Variants in SLITRK5 observed in about 807,000 individuals in gnomAD.
SLITRK5 encodes the protein SLIT and NTRK-like protein 5.
SLITRK5 carries 23 observed loss-of-function variants against 56.2 expected under a neutral mutation model. The observed-to-expected ratio is 0.41, with a 90% CI of 0.29 to 0.58. The LOEUF is 0.58. Ranked by LOEUF, SLITRK5 falls within the 20% of genes least tolerant of loss-of-function variation. The pLI is 0.30. For synonymous variants in SLITRK5, 637 were observed against 531.8 expected, an observed-to-expected ratio of 1.20 and a Z score of -2.72; for missense variants, 1,289 against 1,226.6, an observed-to-expected ratio of 1.05 and a Z score of -0.76.
chr13:87,675,686 G>A lies in SLITRK5; in HGVS notation c.298G>A (p.Glu100Lys). 6.2e-7 allele frequency: 1 copy of A among 1,614,146 alleles called. No individual in the cohort carries two copies. Among genetic ancestry groups the A allele is most frequent in the Non-Finnish European group, 8.5e-7 (1 of 1,180,038 alleles). Residue 100 changes from glutamate (E) to lysine (K), a missense_variant, in exon 2 of 2, where the codon GAG becomes AAG. Transcript: ENST00000683689. ...CCTTTTGAACCGTCTCTATCCCAAT[G>A]AGTTTGTCAATTACACTGGGGCTTC... Reference protein sequence around the residue: ...GNLLNRLYPNEFVNYTGASIL... With the variant: ...GNLLNRLYPNKFVNYTGASIL...
At chr13:87,675,128 C>T (rs548011294) in intron 1 of SLITRK5, among the ~76,000 whole-genome samples, 2 of 152,134 alleles carry the variant, frequency 1.3e-5, no homozygotes, top group East Asian at 3.9e-4. Flanking sequence ...ATCTAACCTG[C>T]TCTTATCTTG....
At position 87,677,195 on chromosome 13, in the gene SLITRK5, A is replaced by C. The variant is rs1593974015; in HGVS notation, c.1807A>C (p.Met603Leu). The stretch of plus-strand genomic sequence containing the variant: ...GCCCAAAAAATTCGCTGAGACCGAC[A>C]TGCGCTCCATTAAGTCGGAGCTGCT... Reference protein sequence around the residue: ...KAPKKFAETDMRSIKSELLCP... With the variant: ...KAPKKFAETDLRSIKSELLCP... Residue 603 changes from methionine to leucine, a missense_variant, in exon 2 of 2, where the codon ATG becomes CTG. Met to Leu is a conservative substitution (Grantham distance 15). Around this residue, in one of 3 missense-constraint regions of SLITRK5, gnomAD observed 985 missense variants for 906.0 expected, o/e 1.09. Transcript: ENST00000683689. The surrounding 1 kb of genome is among the most constrained non-coding windows in gnomAD (Gnocchi z 4.7). 14 of 1,614,182 alleles carry C rather than the reference A, an allele frequency of 8.7e-6. No homozygotes were observed. In the East Asian group the frequency reaches 2.7e-4, roughly 31 times the overall value.
At position 87,677,425 on chromosome 13, in the gene SLITRK5, C is replaced by T. The variant is rs764476630; in HGVS notation, c.2037C>T (p.Phe679=). 2.5e-6 allele frequency: 4 copies of T among 1,613,328 alleles called. No individual in the cohort carries two copies. Among genetic ancestry groups the T allele is most frequent in the Middle Eastern group, 1.6e-4 (1 of 6,082 alleles). The stretch of plus-strand genomic sequence containing the variant: ...TGCTGGTTTTCATCATGTCCGTCTT[C>T]GTGGCCGCCGGGCTCTTCGTGCTGG... The part of the protein sequence containing the change: ...SLLLVFIMSV[F]VAAGLFVLVM... The change falls in exon 2 of 2, where the codon TTC becomes TTT. Residue 679 remains phenylalanine, a synonymous_variant. Transcript: ENST00000683689. This position sits in a 1 kb window ranked among gnomAD's most constrained non-coding sequence, Gnocchi z 4.7.
intron 1 of SLITRK5, chr13:87,674,505 G>C: frequency 1.7e-5 from 9 of 538,226 alleles, no homozygotes; most frequent in Middle Eastern, 9.4e-4. Flanking sequence ...TTCGGAGATT[G>C]CGGATACCTT....
rs1219170657 is a variant in SLITRK5 at position 87,677,849 on chromosome 13, G to A, written c.2461G>A (p.Glu821Lys). The A allele has an allele frequency of 8.7e-6, 14 of 1,610,164 alleles. No individual in the cohort carries two copies. Among genetic ancestry groups the A allele is most frequent in the East Asian group, 6.7e-5 (3 of 44,678 alleles). Reference protein sequence around the residue: ...PQLQLQPGEEERRESHHLRSP... With the variant: ...PQLQLQPGEEKRRESHHLRSP... ...GCTGCAGCTGCAGCCCGGGGAGGAG[G>A]AGAGGCGGGAAAGCCACCACTTGCG... The change falls in exon 2 of 2, where the codon GAG (glutamate) becomes AAG (lysine). Residue 821 changes from glutamate (E) to lysine (K), a missense_variant. Glu to Lys is a moderately conservative substitution (Grantham distance 56). This residue lies in a region of SLITRK5 where 985 missense variants were observed against 906.0 expected (regional missense o/e 1.09). Coordinates refer to ENST00000683689, the MANE Select transcript of SLITRK5 (RefSeq NM_001384609.1). The surrounding 1 kb of genome is among the most constrained non-coding windows in gnomAD (Gnocchi z 4.7).
chr13:87,676,373 A>AATTC lies in SLITRK5; in HGVS notation c.986_987insTTCA (p.Lys329AsnfsTer5). On this transcript the variant is annotated frameshift_variant, in exon 2 of 2. Transcript: ENST00000683689. LOFTEE classifies it high-confidence loss of function. ...CTCTGCTGTTTACAAACCCCCTTTG[A>AATTC]AGCCCCCTAAGGGGACTCGCCAACC... The AATTC allele has an allele frequency of 6.2e-7, 1 of 1,614,018 alleles. No homozygotes were observed. The highest frequency in any genetic ancestry group is 8.5e-7 in the Non-Finnish European group (1 of 1,179,996).
In SLITRK5 at chr13:87,676,038, A is replaced by G. The variant is rs1197306806; in HGVS notation, c.650A>G (p.Tyr217Cys). Residue 217 changes from tyrosine (Y) to cysteine (C), a missense_variant, in exon 2 of 2, where the codon TAC becomes TGC. By Grantham distance (194) the Tyr-to-Cys change is radical. Transcript: ENST00000683689. ...LRGNRLKLLP[Y>C]VGLLQHMDKV... ...GGGAACCGGCTGAAACTTCTGCCCT[A>G]CGTGGGGCTCTTGCAGCACATGGAT... 6.2e-7 allele frequency: 1 copy of G among 1,614,126 alleles called. No individual in the cohort carries two copies. Among genetic ancestry groups the G allele is most frequent in the Non-Finnish European group, 8.5e-7 (1 of 1,180,044 alleles).
At chr13:87,674,021 C>G (rs1681661939) in intron 1 of SLITRK5, among the ~76,000 whole-genome samples, 1 of 151,910 alleles carries the variant, frequency 6.6e-6, no homozygotes, top group African/African-American at 2.4e-5. Flanking sequence ...CACACACACA[C>G]ACACACACAC....
chr13:87,678,748 A>C lies in SLITRK5; in HGVS notation c.*483A>C, dbSNP rs909969350. On this transcript the variant is annotated 3_prime_UTR_variant, in exon 2 of 2. Transcript: ENST00000683689. The stretch of plus-strand genomic sequence containing the variant: ...TTAGCACACCCCAACTTTAATAGGA[A>C]ATTTGTTCTCTTTTTCCGCCCCTCT... 6.0e-6 allele frequency: 1 copy of C among 166,442 alleles called. No homozygotes were observed. The highest frequency in any genetic ancestry group is 2.5e-5 in the African/African-American group (1 of 40,620). 10.3% of individuals were successfully genotyped at this position (166,442 alleles called of 1,614,324 possible).
rs899615680 is a variant in SLITRK5 at position 87,679,246 on chromosome 13, G to T, written c.*981G>T. On this transcript the variant is annotated 3_prime_UTR_variant, in exon 2 of 2. Transcript: ENST00000683689. ...TATCCCAATGTATTTTAAAAAATAGGGCAATTGATTGGGCCATTCCGAGAG... is the reference window on the plus strand; with the variant it reads ...TATCCCAATGTATTTTAAAAAATAGTGCAATTGATTGGGCCATTCCGAGAG... 1 of 166,976 alleles carries T rather than the reference G, an allele frequency of 6.0e-6. No individual in the cohort carries two copies. Among genetic ancestry groups the T allele is most frequent in the African/African-American group, 2.4e-5 (1 of 41,416 alleles). 10.3% of individuals were successfully genotyped at this position (166,976 alleles called of 1,614,324 possible).
rs750704945 is a variant in SLITRK5, at chr13:87,677,486, A to G, written c.2098A>G (p.Thr700Ala). ...CAGGAAGAAGAACCAGAGCGACCACACCAGCACCAACAACTCCGACGTGAG... is the reference window on the plus strand; with the variant it reads ...CAGGAAGAAGAACCAGAGCGACCACGCCAGCACCAACAACTCCGACGTGAG... ...KRRKKNQSDHTSTNNSDVSSF... is the reference protein window; with the variant it reads ...KRRKKNQSDHASTNNSDVSSF... Residue 700 changes from threonine to alanine, a missense_variant, in exon 2 of 2, where the codon ACC becomes GCC. By Grantham distance (58) the Thr-to-Ala change is moderately conservative (BLOSUM62 0). Coordinates refer to ENST00000683689, the MANE Select transcript of SLITRK5 (RefSeq NM_001384609.1). This position sits in a 1 kb window ranked among gnomAD's most constrained non-coding sequence, Gnocchi z 4.7. The G allele has an allele frequency of 1.2e-6, 2 of 1,611,756 alleles. No individual in the cohort carries two copies. The highest frequency in any genetic ancestry group is 2.7e-5 in the African/African-American group (2 of 74,918).
Position 87,675,706 on chromosome 13 carries a change from G to A in SLITRK5, c.318G>A (p.Gly106=). The stretch of plus-strand genomic sequence containing the variant: ...CCAATGAGTTTGTCAATTACACTGG[G>A]GCTTCAATTTTGCATCTAGGTAGCA... ...LYPNEFVNYT[G]ASILHLGSNV... The change falls in exon 2 of 2, where the codon GGG becomes GGA. Residue 106 remains glycine, a synonymous_variant. Transcript: ENST00000683689. The A allele has an allele frequency of 1.2e-6, 2 of 1,614,050 alleles. No individual in the cohort carries two copies. The highest frequency in any genetic ancestry group is 1.7e-6 in the Non-Finnish European group (2 of 1,180,036).
At chr13:87,674,148 GA>G (rs1476013705) in intron 1 of SLITRK5, among the ~76,000 whole-genome samples, 1 of 152,120 alleles carries the variant, frequency 6.6e-6, no homozygotes, top group Non-Finnish European at 1.5e-5. Context: ...AAAAAAGGGG[GA>G]GGGGGTCATA....
chr13:87,674,001 CACACAA>C (rs1455054063), intron 1 of SLITRK5, among the ~76,000 whole-genome samples: 12 of 123,428 alleles, frequency 9.7e-5, no homozygotes, highest in African/African-American at 1.7e-4. Flanking sequence ...CGCGCGCGCA[CACACAA>C]ACACACACAC....
rs202157449 is a variant in SLITRK5, at chr13:87,678,208, C to T, written c.2820C>T (p.Asn940=). The change falls in exon 2 of 2, where the codon AAC becomes AAT. Residue 940 remains asparagine (N), a synonymous_variant. Transcript: ENST00000683689. Reference sequence around the variant, plus strand: ...ATCTGGAGTTAAAAGCAAAACTAAACGTTGAGCCGGACTACCTCGAAGTGC... The same window carrying T: ...ATCTGGAGTTAAAAGCAAAACTAAATGTTGAGCCGGACTACCTCGAAGTGC... The part of the protein sequence containing the change: ...NEYLELKAKL[N]VEPDYLEVLE... The T allele has an allele frequency of 6.2e-6, 10 of 1,614,064 alleles. No individual in the cohort carries two copies. The Admixed American group carries it at 8.3e-5, about 13-fold the overall frequency.
intron 1 of SLITRK5, among the ~76,000 whole-genome samples, 76 bp downstream of exon 1, chr13:87,672,285 A>G (rs1048836386): frequency 6.6e-6 from 1 of 152,074 alleles, no homozygotes; most frequent in Non-Finnish European, 1.5e-5. Flanking sequence ...CACGTATTGG[A>G]GCGAGTGTGC....
Position 87,677,345 on chromosome 13 carries a change from G to A in SLITRK5, c.1957G>A (p.Gly653Ser), listed in dbSNP as rs753058854. ...LNSTGAPASL[G>S]AGGGASSVPL... is the part of the protein sequence containing the mutation. ...TAGCACCGGGGCCCCCGCGAGCTTGGGCGCAGGCGGAGGGGCGTCGTCGGT... is the reference window on the plus strand; with the variant it reads ...TAGCACCGGGGCCCCCGCGAGCTTGAGCGCAGGCGGAGGGGCGTCGTCGGT... Residue 653 changes from glycine (G) to serine (S), a missense_variant, in exon 2 of 2, where the codon GGC becomes AGC. Coordinates refer to ENST00000683689, the MANE Select transcript of SLITRK5 (RefSeq NM_001384609.1). The surrounding 1 kb of genome is among the most constrained non-coding windows in gnomAD (Gnocchi z 4.7). 3 of 1,614,102 alleles carry A rather than the reference G, an allele frequency of 1.9e-6. No individual in the cohort carries two copies. Among genetic ancestry groups the A allele is most frequent in the Non-Finnish European group, 1.7e-6 (2 of 1,180,014 alleles).
rs1342384049 is a variant in SLITRK5 at position 87,678,928 on chromosome 13, A to G, written c.*663A>G. 6.0e-6 allele frequency: 1 copy of G among 166,994 alleles called. No homozygotes were observed. The highest frequency in any genetic ancestry group is 2.4e-5 in the African/African-American group (1 of 41,424). 10.3% of individuals were successfully genotyped at this position (166,994 alleles called of 1,614,324 possible). Reference sequence around the variant, plus strand: ...GACAAATCATTAAAATTACAGAGCTATATGATCCATAATTGATTAGTCAAA... The same window carrying G: ...GACAAATCATTAAAATTACAGAGCTGTATGATCCATAATTGATTAGTCAAA... On this transcript the variant is annotated 3_prime_UTR_variant, in exon 2 of 2. Coordinates refer to ENST00000683689, the MANE Select transcript of SLITRK5 (RefSeq NM_001384609.1).
In SLITRK5 at chr13:87,676,282, G is replaced by A. The variant is rs1320711553; in HGVS notation, c.894G>A (p.Thr298=). 1.9e-6 allele frequency: 3 copies of A among 1,614,086 alleles called. No homozygotes were observed. The highest frequency in any genetic ancestry group is 2.5e-6 in the Non-Finnish European group (3 of 1,180,016). ...LISDYEMRPQ[T]PLSTTGYLHT... is the part of the protein sequence containing the mutation. ...CTGACTACGAGATGAGGCCGCAGAC[G>A]CCTTTGAGCACCACGGGGTATTTAC... Residue 298 remains threonine (T), a synonymous_variant, in exon 2 of 2, where the codon ACG becomes ACA. Coordinates refer to ENST00000683689, the MANE Select transcript of SLITRK5 (RefSeq NM_001384609.1).
Sources: allele counts gnomAD v4.1 joint callset (sites outside exome capture counted in the v4.1 genomes callset), GRCh38; gene constraint gnomAD v4.1.1; regional missense constraint gnomAD v4.1.1; non-coding constraint Gnocchi (gnomAD v3.1); transcripts MANE v1.5; gene names NCBI Gene and HGNC (gene_info 2026-07-23, HGNC 2026-07-21).